UVRAG: variants seen among roughly 807,000 people sequenced by gnomAD.
The protein encoded by UVRAG is UV radiation resistance associated.
Under a neutral mutation model 78.0 loss-of-function variants are expected in UVRAG, and 19 were observed. That is an observed-to-expected ratio of 0.24 (90% CI 0.17 to 0.36). The LOEUF (loss-of-function observed/expected upper bound fraction) is 0.36. Among genes scored for constraint, UVRAG ranks in the 10% least tolerant of loss-of-function variants. UVRAG has a pLI of 1.00. For synonymous variants in UVRAG, 323 were observed against 324.6 expected (o/e 1.00, Z 0.05); for missense variants, 740 against 853.8 (o/e 0.87, Z 1.66).
intron 13 of UVRAG, among the ~76,000 whole-genome samples, chr11:76,087,087 C>T (rs1203798613): frequency 1.3e-5 from 2 of 152,212 alleles, no homozygotes; most frequent in Non-Finnish European, 1.5e-5. Context: ...TGGAGATTTG[C>T]TGCCTATGCA....
chr11:75,973,519 C>A (rs1260536890), intron 7 of UVRAG, among the ~76,000 whole-genome samples: 1 of 152,044 alleles, frequency 6.6e-6, no homozygotes, highest in Non-Finnish European at 1.5e-5. Flanking sequence ...AAGTGTTCAT[C>A]AACTTCTAAT....
At chr11:75,992,263 T>C (rs1949622382) in intron 8 of UVRAG, among the ~76,000 whole-genome samples, 1 of 152,192 alleles carries the variant, frequency 6.6e-6, no homozygotes, top group African/African-American at 2.4e-5. Flanking sequence ...GCCAAGTCAG[T>C]TGCACATTCT....
intron 7 of UVRAG, 48 bp from the exon 8 acceptor site, chr11:75,983,339 G>T: frequency 6.8e-7 from 1 of 1,468,564 alleles, no homozygotes; most frequent in Non-Finnish European, 9.2e-7. Context: ...ATTATTCATA[G>T]TCATGACATT....
intron 7 of UVRAG, among the ~76,000 whole-genome samples, chr11:75,973,202 G>A (rs1472523956): frequency 1.3e-5 from 2 of 152,148 alleles, no homozygotes; most frequent in African/African-American, 4.8e-5. Flanking sequence ...TACCAGTTAA[G>A]GAAGTTCCCC....
chr11:76,111,326 C>G (rs1952063425), intron 13 of UVRAG, among the ~76,000 whole-genome samples: 1 of 152,106 alleles, frequency 6.6e-6, no homozygotes, highest in South Asian at 2.1e-4. Flanking sequence ...CCGAGTATCT[C>G]ATGAAGTTTA....
intron 13 of UVRAG, among the ~76,000 whole-genome samples, chr11:76,098,961 G>A (rs923132968): frequency 2.6e-5 from 4 of 152,064 alleles, no homozygotes; most frequent in African/African-American, 4.8e-5. Flanking sequence ...ATCCACACAC[G>A]TTCATCATAC....
Position 75,961,458 on chromosome 11 carries a change from A to G in UVRAG, c.608A>G (p.Gln203Arg). The G allele has an allele frequency of 6.3e-7, 1 of 1,597,000 alleles. No homozygotes were observed. The highest frequency in any genetic ancestry group is 8.5e-7 in the Non-Finnish European group (1 of 1,176,188). ...TATATTTCTAGGCTTCATAGAGCCC[A>G]GTGTGCAATTAAACAGACTCAGGTA... Reference protein sequence around the residue: ...VFSLLRLHRAQCAIKQTQVTV... With the variant: ...VFSLLRLHRARCAIKQTQVTV... Residue 203 changes from glutamine to arginine, a missense_variant, in exon 7 of 15, where the codon CAG becomes CGG. Transcript: ENST00000356136.
At chr11:75,886,122 A>G (rs577383549) in intron 4 of UVRAG, among the ~76,000 whole-genome samples, 1 of 152,300 alleles carries the variant, frequency 6.6e-6, no homozygotes, top group African/African-American at 2.4e-5. Context: ...AGAAACAGTT[A>G]AAGTTGGAAT....
chr11:75,815,384 C>T lies in UVRAG; in HGVS notation c.-24C>T, dbSNP rs1590886527. 8.3e-7 allele frequency: 1 copy of T among 1,200,838 alleles called. No homozygotes were observed. The highest frequency in any genetic ancestry group is 1.0e-6 in the Non-Finnish European group (1 of 954,170). 74.4% of individuals were successfully genotyped at this position (1,200,838 alleles called of 1,614,324 possible). ...GGATGCCGGAAGAGTGCCCGCCCCGCCGCTTGGCGGCCCCTGGATCGAGAT... is the reference window on the plus strand; with the variant it reads ...GGATGCCGGAAGAGTGCCCGCCCCGTCGCTTGGCGGCCCCTGGATCGAGAT... On this transcript the variant is annotated 5_prime_UTR_variant, in exon 1 of 15. Coordinates refer to ENST00000356136, the MANE Select transcript of UVRAG (RefSeq NM_003369.4).
chr11:76,083,111 T>G (rs1189112976), intron 13 of UVRAG, among the ~76,000 whole-genome samples: 2 of 152,124 alleles, frequency 1.3e-5, no homozygotes, highest in Non-Finnish European at 2.9e-5. Context: ...AAGTTTAAAC[T>G]AAAACAAAAA....
Position 76,140,103 on chromosome 11 carries a change from C to A in UVRAG, c.1398-608C>A, listed in dbSNP as rs1402297257. 7.9e-4 allele frequency among the ~76,000 whole-genome samples: 22 copies of A among 27,876 alleles called. 2 individuals carry two copies. The highest frequency in any genetic ancestry group is 3.9e-3 in the African/African-American group (21 of 5,346). 18.3% of individuals were successfully genotyped at this position (27,876 alleles called of 152,430 possible). A position where few individuals can be genotyped will look rare whatever the true frequency, so the allele number is the denominator to read the frequency against. ...CCTCCCCCTCTCCCCCTCCCTCCCT[C>A]CCTCCCTCCCTCTCTCTCTCTCTCT... On this transcript the variant is annotated intron_variant, in intron 14 of 14. Coordinates refer to ENST00000356136, the MANE Select transcript of UVRAG (RefSeq NM_003369.4).
At chr11:75,863,625 A>G (rs890104522) in intron 3 of UVRAG, among the ~76,000 whole-genome samples, 2 of 152,324 alleles carry the variant, frequency 1.3e-5, no homozygotes, top group Non-Finnish European at 1.5e-5. Context: ...TCCTATCTTC[A>G]ACTCCTTTTG....
At chr11:76,047,369 T>A (rs1458716575) in intron 12 of UVRAG, among the ~76,000 whole-genome samples, 1 of 152,198 alleles carries the variant, frequency 6.6e-6, no homozygotes, top group East Asian at 1.9e-4. Context: ...TGGGAGGCTG[T>A]TTTGACTTCT....
chr11:76,114,949 T>A (rs1301576784), intron 13 of UVRAG, among the ~76,000 whole-genome samples: 1 of 152,248 alleles, frequency 6.6e-6, no homozygotes, highest in Non-Finnish European at 1.5e-5. Context: ...TACACAGACA[T>A]ACATTTTATA....
At chr11:75,962,496 T>C (rs1948928200) in intron 7 of UVRAG, among the ~76,000 whole-genome samples, 1 of 152,176 alleles carries the variant, frequency 6.6e-6, no homozygotes, top group African/African-American at 2.4e-5. Flanking sequence ...TGTATACAGT[T>C]GCTGATTTTC....
At chr11:76,114,356 C>G (rs538694681) in intron 13 of UVRAG, among the ~76,000 whole-genome samples, 1 of 152,200 alleles carries the variant, frequency 6.6e-6, no homozygotes, top group African/African-American at 2.4e-5. Flanking sequence ...AACTATTTTC[C>G]TTCTGCTTTC....
intron 14 of UVRAG, among the ~76,000 whole-genome samples, chr11:76,128,780 G>A (rs1952460585): frequency 6.6e-6 from 1 of 152,124 alleles, no homozygotes; most frequent in Non-Finnish European, 1.5e-5. Context: ...ACCCCGCCCA[G>A]CTGTGACCTT....
intron 14 of UVRAG, among the ~76,000 whole-genome samples, chr11:76,136,973 G>T (rs1458770982): frequency 6.6e-6 from 1 of 152,072 alleles, no homozygotes; most frequent in Non-Finnish European, 1.5e-5. Context: ...AAAAATACAT[G>T]TGTGTTTAAT....
chr11:76,106,951 A>G (rs557620357), intron 13 of UVRAG, among the ~76,000 whole-genome samples: 2 of 151,958 alleles, frequency 1.3e-5, no homozygotes, highest in South Asian at 4.2e-4. Context: ...ATTAAAACTG[A>G]TTGCAGTTGC....
Sources: gnomAD v4.1 joint callset for allele counts (sites outside exome capture counted in the v4.1 genomes callset) on GRCh38, gnomAD v4.1.1 for gene constraint, MANE v1.5 for transcripts, NCBI Gene and HGNC (gene_info 2026-07-23, HGNC 2026-07-21) for gene names.